MDN1: variants seen among roughly 807,000 people sequenced by gnomAD.
MDN1 encodes midasin.
In MDN1, 266 loss-of-function variants were observed where a neutral mutation model predicts 669.2. That is an observed-to-expected ratio of 0.40 (90% CI 0.36 to 0.44). MDN1 has a LOEUF of 0.44. MDN1 is among the 20% of genes least tolerant of loss of function. The pLI is 1.00. For synonymous variants in MDN1, 2,385 were observed against 2,457.1 expected, an observed-to-expected ratio of 0.97 and a Z score of 0.87; for missense variants, 5,940 against 6,754.0, an observed-to-expected ratio of 0.88 and a Z score of 4.22.
intron 1 of MDN1, among the ~76,000 whole-genome samples, chr6:89,808,416 G>T (rs1445507652): frequency 2.0e-5 from 3 of 152,150 alleles, no homozygotes; most frequent in African/African-American, 7.2e-5. Flanking sequence ...TTTAGCCCTA[G>T]AGTGTGGCCC....
chr6:89,671,245 C>CCT (rs1375373640), intron 82 of MDN1, among the ~76,000 whole-genome samples, 165 bp from the exon 83 acceptor site: 1 of 152,232 alleles, frequency 6.6e-6, no homozygotes, highest in Non-Finnish European at 1.5e-5. Context: ...CACCCCAATA[C>CCT]ACACAGCTCA....
At chr6:89,710,505 T>TA (rs149449666) in intron 50 of MDN1, among the ~76,000 whole-genome samples, 176 bp downstream of exon 50, 27,054 of 139,416 alleles carry the variant, frequency 0.19, 2,693 homozygotes, top group South Asian at 0.32. Context: ...CCTGTCCCTT[T>TA]AAAAAAAAAA....
chr6:89,668,301 C>T (rs1264265451), intron 83 of MDN1, 150 bp from the exon 84 acceptor site: 1 of 958,260 alleles, frequency 1.0e-6, no homozygotes, highest in African/African-American at 1.7e-5. Flanking sequence ...CAGGAGACTT[C>T]TGACATTCTT....
In MDN1 at chr6:89,668,070, T is replaced by G. The variant is rs143844314; in HGVS notation, c.14038A>C (p.Ile4680Leu). The change falls in exon 84 of 102, where the codon ATT becomes CTT. Residue 4680 changes from isoleucine (I) to leucine (L), a missense_variant. Physicochemically the swap from Ile to Leu is conservative, Grantham distance 5 (BLOSUM62 2). Around this residue, in one of 5 missense-constraint regions of MDN1, gnomAD observed 2,280 missense variants for 2,576.3 expected, o/e 0.88. Transcript: ENST00000369393. ...TCCTTCATGCCCTCGCCTTCTCCAA[T>G]TCCACCTCCCTCATAGTCATGGAAC... ...TEFHDYEGGG[I>L]GEGEGMKDVS... The G allele has an allele frequency of 1.2e-6, 2 of 1,614,032 alleles. No homozygotes were observed. Among genetic ancestry groups the G allele is most frequent in the Non-Finnish European group, 1.7e-6 (2 of 1,180,020 alleles).
intron 99 of MDN1, among the ~76,000 whole-genome samples, chr6:89,647,075 C>T (rs1054250477): frequency 2.0e-5 from 3 of 152,194 alleles, no homozygotes; most frequent in African/African-American, 4.8e-5. Flanking sequence ...GTGTGAGCCA[C>T]CATGCCTAGA....
Position 89,673,282 on chromosome 6 carries a change from G to A in MDN1, c.13428C>T (p.Asp4476=), listed in dbSNP as rs1489990289. The change falls in exon 80 of 102, where the codon GAC becomes GAT. Residue 4476 remains aspartate, a synonymous_variant. Transcript: ENST00000369393. ...VRGEISKAMA[D]FTTWKTHLLT... ...GCAGATGGGTCTTCCAGGTAGTAAA[G>A]TCAGCCATGGCTTTACTAATTTCTC... 6 of 1,614,032 alleles carry A rather than the reference G, an allele frequency of 3.7e-6. No homozygotes were observed. The highest frequency in any genetic ancestry group is 5.1e-6 in the Non-Finnish European group (6 of 1,180,034).
In MDN1 at chr6:89,718,469, T is replaced by G; in HGVS notation, c.6480A>C (p.Gly2160=). The G allele has an allele frequency of 6.2e-7, 1 of 1,614,128 alleles. No homozygotes were observed. The highest frequency in any genetic ancestry group is 8.5e-7 in the Non-Finnish European group (1 of 1,180,026). ...CCATCGTGATAGCTTTACCACCTTC[T>G]CCAAGACACTTAGGCTTATATGTCA... ...FLLTYKPKCL[G]EGGKAITMEI... Residue 2160 remains glycine (G), a synonymous_variant, in exon 43 of 102, where the codon GGA becomes GGC. Coordinates refer to ENST00000369393, the MANE Select transcript of MDN1 (RefSeq NM_014611.3).
chr6:89,798,691 T>TA (rs777185184), intron 2 of MDN1, among the ~76,000 whole-genome samples: 6 of 152,336 alleles, frequency 3.9e-5, no homozygotes, highest in Non-Finnish European at 7.4e-5. Flanking sequence ...ATGAAAATAC[T>TA]AAAAACCACT....
At chr6:89,768,077 T>C (rs1817893420) in intron 15 of MDN1, among the ~76,000 whole-genome samples, 1 of 151,924 alleles carries the variant, frequency 6.6e-6, no homozygotes, top group African/African-American at 2.4e-5. Flanking sequence ...TTTTTAAAAT[T>C]AATCTAAAAA....
At position 89,794,790 on chromosome 6, in the gene MDN1, C is replaced by A; in HGVS notation, c.341G>T (p.Arg114Ile). 2.5e-6 allele frequency: 4 copies of A among 1,613,978 alleles called. No homozygotes were observed. Among genetic ancestry groups the A allele is most frequent in the Middle Eastern group, 1.7e-4 (1 of 6,054 alleles). Residue 114 changes from arginine (R) to isoleucine (I), a missense_variant, in exon 3 of 102, where the codon AGA becomes ATA. Arg to Ile is a moderately conservative substitution (Grantham distance 97, BLOSUM62 -3). This residue lies in a region of MDN1 where 1,203 missense variants were observed against 1,268.9 expected (regional missense o/e 0.95). Transcript: ENST00000369393. ...NHPDVLPFAL[R>I]YFKDTSPVFQ... is the part of the protein sequence containing the mutation. Reference sequence around the variant, plus strand: ...GACTGGGGATGTGTCCTTGAAATATCTCAGGGCAAACCTTCAAACACAAAG... The same window carrying A: ...GACTGGGGATGTGTCCTTGAAATATATCAGGGCAAACCTTCAAACACAAAG...
At chr6:89,756,665 G>GT (rs1817265240) in intron 19 of MDN1, among the ~76,000 whole-genome samples, 1 of 152,220 alleles carries the variant, frequency 6.6e-6, no homozygotes, top group African/African-American at 2.4e-5. Context: ...GCTCACGCCT[G>GT]TAATCCCAGC....
intron 54 of MDN1, 74 bp downstream of exon 54, chr6:89,701,830 A>G: frequency 6.5e-7 from 1 of 1,538,880 alleles, no homozygotes; most frequent in Non-Finnish European, 8.8e-7. Context: ...AAGAAGAAAC[A>G]GTTTCGGTTC....
At chr6:89,815,123 G>T in intron 1 of MDN1, 2 of 399,144 alleles carry the variant, frequency 5.0e-6, no homozygotes, top group South Asian at 4.2e-5. Flanking sequence ...AGCTGCCCCT[G>T]ACCACTCAGC....
At chr6:89,819,355 G>T in intron 1 of MDN1, 151 bp downstream of exon 1, 1 of 731,972 alleles carries the variant, frequency 1.4e-6, no homozygotes, top group Non-Finnish European at 2.3e-6. Context: ...AAACCTCCAC[G>T]ACCTGCGCCA....
At position 89,658,797 on chromosome 6, in the gene MDN1, G is replaced by A. The variant is rs762797467; in HGVS notation, c.14834C>T (p.Pro4945Leu). 10 of 1,613,946 alleles carry A rather than the reference G, an allele frequency of 6.2e-6. No individual in the cohort carries two copies. In the South Asian group the frequency reaches 9.9e-5, roughly 16 times the overall value. Residue 4945 changes from proline (P) to leucine (L), a missense_variant, in exon 89 of 102, where the codon CCC (proline) becomes CTC (leucine). By Grantham distance (98) the Pro-to-Leu change is moderately conservative (BLOSUM62 -3). This residue lies in a region of MDN1 where 2,280 missense variants were observed against 2,576.3 expected (regional missense o/e 0.88). Transcript: ENST00000369393. ...SQSPQEPEEG[P>L]SEDDKAEGEE... ...CCCTTCTGCCTTGTCATCTTCACTG[G>A]GGCCTTCCTCAGGCTCCTGTGGACT...
At chr6:89,670,023 T>G (rs376032063) in intron 83 of MDN1, among the ~76,000 whole-genome samples, 1 of 150,824 alleles carries the variant, frequency 6.6e-6, no homozygotes, top group Non-Finnish European at 1.5e-5. Context: ...GCCAATGTGG[T>G]GAAACCCTGT....
At position 89,747,890 on chromosome 6, in the gene MDN1, CAAAAAAAA is replaced by C. The variant is rs55885838; in HGVS notation, c.3763-428_3763-421del. 9.5e-5 allele frequency among the ~76,000 whole-genome samples: 8 copies of C among 84,034 alleles called. No homozygotes were observed. In the East Asian group the frequency reaches 2.7e-3, roughly 28 times the overall value. The allele number at this position is 84,034 out of a possible 152,430, so 55.1% of individuals were successfully genotyped here. On this transcript the variant is annotated intron_variant, in intron 26 of 101. Coordinates refer to ENST00000369393, the MANE Select transcript of MDN1 (RefSeq NM_014611.3). ...TGGGCGACAAAGCGAGACTCCGTCT[CAAAAAAAA>C]AAAAAAAAAAAAAAGATTAATTTTT...
intron 15 of MDN1, among the ~76,000 whole-genome samples, chr6:89,762,898 A>T (rs2128321080): frequency 6.6e-6 from 1 of 152,206 alleles, no homozygotes; most frequent in Middle Eastern, 3.4e-3. Context: ...CTACAAAAAA[A>T]TACAAAAATT....
chr6:89,794,905 A>G, intron 2 of MDN1, 104 bp from the exon 3 acceptor site: 1 of 920,054 alleles, frequency 1.1e-6, no homozygotes, highest in Non-Finnish European at 1.7e-6. Flanking sequence ...TTTTCAACTT[A>G]AGCTATTTTC....
Sources: allele counts gnomAD v4.1 joint callset (sites outside exome capture counted in the v4.1 genomes callset), GRCh38; gene constraint gnomAD v4.1.1; regional missense constraint gnomAD v4.1.1; transcripts MANE v1.5; gene names NCBI Gene and HGNC (gene_info 2026-07-23, HGNC 2026-07-21).